Variants in ENTREP2 observed in about 807,000 individuals in gnomAD.
ENTREP2 encodes protein ENTREP2.
At chr15:29,380,073 G>A in the ENTREP2 span, among the ~76,000 whole-genome samples, 1 of 151,918 alleles carries the variant, frequency 6.6e-6, no homozygotes, top group Non-Finnish European at 1.5e-5. Flanking sequence ...GGGGGGAGGT[G>A]GGGGGTGGGG....
chr15:29,155,298 A>C, the ENTREP2 span, among the ~76,000 whole-genome samples: 2 of 151,066 alleles, frequency 1.3e-5, no homozygotes, highest in Non-Finnish European at 3.0e-5. Flanking sequence ...AGAAAAAAAA[A>C]AAAAAGAAGA....
the ENTREP2 span, among the ~76,000 whole-genome samples, chr15:29,566,966 G>A: frequency 2.0e-5 from 3 of 151,914 alleles, no homozygotes; most frequent in African/African-American, 7.3e-5. Flanking sequence ...CCTGAGTTCT[G>A]GGCATTAATA....
chr15:29,123,550 G>A, the ENTREP2 span: 1 of 1,551,778 alleles, frequency 6.4e-7, no homozygotes, highest in African/African-American at 1.4e-5. Context: ...GGAGGTCGCT[G>A]GGAAGGGCTC....
the ENTREP2 span, among the ~76,000 whole-genome samples, chr15:29,163,429 C>T: frequency 6.6e-5 from 10 of 151,204 alleles, no homozygotes; most frequent in East Asian, 1.9e-4. Flanking sequence ...CAAGAAGTGA[C>T]GGGAGAAATA....
the ENTREP2 span, among the ~76,000 whole-genome samples, chr15:29,138,259 C>A: frequency 6.6e-6 from 1 of 152,160 alleles, no homozygotes; most frequent in African/African-American, 2.4e-5. Flanking sequence ...GGTGAAATCA[C>A]TTTAACAAAA....
chr15:29,612,419 C>T, the ENTREP2 span, among the ~76,000 whole-genome samples: 1 of 151,968 alleles, frequency 6.6e-6, no homozygotes, highest in Non-Finnish European at 1.5e-5. Context: ...CAGCGTGGCC[C>T]CTCTTAGAAC....
the ENTREP2 span, among the ~76,000 whole-genome samples, chr15:29,277,117 G>A: frequency 2.0e-5 from 3 of 152,166 alleles, no homozygotes; most frequent in Non-Finnish European, 4.4e-5. Context: ...GCCGGGGCAG[G>A]CAGATCACTT....
chr15:29,426,546 C>G, the ENTREP2 span, among the ~76,000 whole-genome samples: 15,793 of 152,200 alleles, frequency 0.1, 1,008 homozygotes, highest in East Asian at 0.31. Context: ...ATTTCCCCAT[C>G]TTGTCTCATT....
At chr15:29,417,728 T>C in the ENTREP2 span, among the ~76,000 whole-genome samples, 1 of 152,148 alleles carries the variant, frequency 6.6e-6, no homozygotes, top group Non-Finnish European at 1.5e-5. Context: ...GTATGTATCT[T>C]GCAAATATAA....
chr15:29,569,437 GAACA>G, the ENTREP2 span: 3 of 122,910 alleles, frequency 2.4e-5, no homozygotes, highest in Non-Finnish European at 6.0e-5. Context: ...TAAAACTCAA[GAACA>G]AATAGCAAAC....
chr15:29,265,472 C>G, the ENTREP2 span: 1 of 152,198 alleles, frequency 6.6e-6, no homozygotes, highest in African/African-American at 2.4e-5. Flanking sequence ...AACCCCGTCT[C>G]TACTAAAAGT....
the ENTREP2 span, among the ~76,000 whole-genome samples, chr15:29,470,612 C>T: frequency 3.3e-5 from 5 of 152,168 alleles, no homozygotes; most frequent in South Asian, 2.1e-4. Context: ...GTCCTACAAA[C>T]GCTGCCGGAA....
At chr15:29,530,630 C>T in the ENTREP2 span, among the ~76,000 whole-genome samples, 33 of 152,320 alleles carry the variant, frequency 2.2e-4, no homozygotes, top group Middle Eastern at 3.4e-3. Context: ...GTGCGGCTGC[C>T]GTCATGTCTG....
the ENTREP2 span, among the ~76,000 whole-genome samples, chr15:29,270,738 A>G: frequency 1.3e-5 from 2 of 152,234 alleles, no homozygotes; most frequent in Admixed American, 1.3e-4. Context: ...GTGCAACTCA[A>G]GTAGCCAAAA....
chr15:29,547,158 G>A, the ENTREP2 span, among the ~76,000 whole-genome samples: 14 of 150,946 alleles, frequency 9.3e-5, no homozygotes, highest in South Asian at 1.7e-3. Context: ...CGCAATTTCG[G>A]CTCACTACAC....
chr15:29,637,990 G>T, the ENTREP2 span, among the ~76,000 whole-genome samples: 2 of 152,204 alleles, frequency 1.3e-5, no homozygotes, highest in Non-Finnish European at 1.5e-5. Context: ...AATGGACATG[G>T]AGTACAAGGA....
chr15:29,585,533 A>T, the ENTREP2 span, among the ~76,000 whole-genome samples: 5 of 152,184 alleles, frequency 3.3e-5, no homozygotes, highest in Non-Finnish European at 5.9e-5. Flanking sequence ...GAGAAAGTGG[A>T]GCCTTTATAC....
the ENTREP2 span, among the ~76,000 whole-genome samples, chr15:29,664,524 C>T: frequency 2.6e-5 from 4 of 151,562 alleles, no homozygotes; most frequent in African/African-American, 7.3e-5. Flanking sequence ...CTGGGAGACT[C>T]GGAAGCCGCG....
At chr15:29,214,095 T>C in the ENTREP2 span, among the ~76,000 whole-genome samples, 1 of 152,332 alleles carries the variant, frequency 6.6e-6, no homozygotes, top group East Asian at 1.9e-4. Flanking sequence ...TTGGTGGGAC[T>C]GTAAACCAGT....
Sources: allele counts gnomAD v4.1 joint callset (sites outside exome capture counted in the v4.1 genomes callset), GRCh38; gene constraint gnomAD v4.1.1; transcripts MANE v1.5; gene names NCBI Gene and HGNC (gene_info 2026-07-23, HGNC 2026-07-21).